Variants in TGM4 observed in about 807,000 individuals in gnomAD.
TGM4 encodes the protein transglutaminase 4.
In TGM4, 61 loss-of-function variants were observed where a neutral mutation model predicts 76.3. The ratio of observed to expected loss-of-function variants is 0.80; its 90% CI spans 0.65 to 0.99. TGM4 has a LOEUF of 0.99. Ranked by LOEUF, TGM4 falls within the 50% of genes least tolerant of loss-of-function variation. TGM4 has a pLI of 0.00. For synonymous variants in TGM4, 337 were observed against 329.8 expected, an observed-to-expected ratio of 1.02 and a Z score of -0.24; for missense variants, 794 against 843.2, an observed-to-expected ratio of 0.94 and a Z score of 0.72.
chr3:44,886,151 C>T (rs925955786), intron 2 of TGM4, among the ~76,000 whole-genome samples: 2 of 152,164 alleles, frequency 1.3e-5, no homozygotes, highest in East Asian at 1.9e-4. Context: ...CGAGATCAAC[C>T]TGGCCAACAT....
chr3:44,887,719 T>A lies in TGM4; in HGVS notation c.224T>A (p.Leu75Gln). 6.2e-7 allele frequency: 1 copy of A among 1,614,128 alleles called. No homozygotes were observed. The highest frequency in any genetic ancestry group is 8.5e-7 in the Non-Finnish European group (1 of 1,180,000). Residue 75 changes from leucine to glutamine, a missense_variant, in exon 3 of 14, where the codon CTG becomes CAG. By Grantham distance (113) the Leu-to-Gln change is moderately radical (BLOSUM62 -2). Transcript: ENST00000296125. ...AATCCTAGCATCGCCAAACACACCCTGGTGGTGCTCGACCCGAGGACGCCC... is the reference window on the plus strand; with the variant it reads ...AATCCTAGCATCGCCAAACACACCCAGGTGGTGCTCGACCCGAGGACGCCC... The part of the protein sequence containing the change: ...GPNPSIAKHT[L>Q]VVLDPRTPSD...
intron 3 of TGM4, 28 bp downstream of exon 3, chr3:44,887,823 G>T: frequency 1.2e-6 from 2 of 1,600,960 alleles, no homozygotes; most frequent in Admixed American, 3.3e-5. Flanking sequence ...TGGCGGGTGG[G>T]CTGGCTGGCT....
At chr3:44,893,468 C>A in intron 4 of TGM4, 109 bp from the exon 5 acceptor site, 1 of 921,544 alleles carries the variant, frequency 1.1e-6, no homozygotes, top group Non-Finnish European at 1.8e-6. Flanking sequence ...GTGTTCCAAG[C>A]CCCTCACAAA....
At position 44,907,113 on chromosome 3, in the gene TGM4, A is replaced by G. The variant is rs781197327; in HGVS notation, c.1240A>G (p.Thr414Ala). The G allele has an allele frequency of 3.1e-6, 5 of 1,614,104 alleles. No homozygotes were observed. In the South Asian group the frequency reaches 5.5e-5, roughly 18 times the overall value. ...QEELHVISMETTSIGKNISTK... is the reference protein window; with the variant it reads ...QEELHVISMEATSIGKNISTK... Reference sequence around the variant, plus strand: ...GGAGTTACACGTAATTTCAATGGAGACCACAAGCATCGGGAAAAACATCAG... The same window carrying G: ...GGAGTTACACGTAATTTCAATGGAGGCCACAAGCATCGGGAAAAACATCAG... The change falls in exon 10 of 14, where the codon ACC becomes GCC. Residue 414 changes from threonine (T) to alanine (A), a missense_variant. Thr to Ala is a moderately conservative substitution (Grantham distance 58, BLOSUM62 0). Transcript: ENST00000296125.
intron 1 of TGM4, among the ~76,000 whole-genome samples, chr3:44,884,901 A>G (rs1336208406): frequency 6.6e-6 from 1 of 152,012 alleles, no homozygotes; most frequent in Non-Finnish European, 1.5e-5. Flanking sequence ...TTTTGTGTTG[A>G]TTGACGGAGA....
At chr3:44,874,720 G>A (rs753377408) in intron 1 of TGM4, 23 bp downstream of exon 1, 17 of 1,614,034 alleles carry the variant, frequency 1.1e-5, no homozygotes, top group Non-Finnish European at 1.4e-5. Flanking sequence ...AATCTCCATG[G>A]AGCCCCACAT....
chr3:44,911,051 C>A lies in TGM4; in HGVS notation c.1700C>A (p.Ala567Glu), dbSNP rs201751613. The change falls in exon 12 of 14, where the codon GCG (alanine) becomes GAG (glutamate). Residue 567 changes from alanine to glutamate, a missense_variant. By Grantham distance (107) the Ala-to-Glu change is moderately radical. Coordinates refer to ENST00000296125, the MANE Select transcript of TGM4 (RefSeq NM_003241.4). Reference sequence around the variant, plus strand: ...CCAGTTATCAGAGGTTTCATCATTGCGGAAATTGTGGAGTCTAAGGAAATC... The same window carrying A: ...CCAGTTATCAGAGGTTTCATCATTGAGGAAATTGTGGAGTCTAAGGAAATC... ...DEPVIRGFII[A>E]EIVESKEIMA... 5.9e-5 allele frequency: 96 copies of A among 1,613,996 alleles called. No individual in the cohort carries two copies. Among genetic ancestry groups the A allele is most frequent in the Non-Finnish European group, 6.8e-5 (80 of 1,180,028 alleles).
At chr3:44,902,582 G>C (rs905889015) in intron 8 of TGM4, among the ~76,000 whole-genome samples, 1 of 152,142 alleles carries the variant, frequency 6.6e-6, no homozygotes, top group Non-Finnish European at 1.5e-5. Flanking sequence ...CCTGGTGACA[G>C]AGCTAGACTC....
rs1353592282 is a variant in TGM4 at position 44,914,824 on chromosome 3, A to G, written c.*1099A>G. 1 of 152,108 alleles carries G rather than the reference A, an allele frequency of 6.6e-6. No homozygotes were observed. Among genetic ancestry groups the G allele is most frequent in the Admixed American group, 6.5e-5 (1 of 15,270 alleles). The allele number at this position is 152,108 out of a possible 1,614,324, so 9.4% of individuals were successfully genotyped here. ...CTGGCAAAGGCACGTAGCTTGAATG[A>G]GGGTTATTTTGTGTCTAATTCACAG... On this transcript the variant is annotated 3_prime_UTR_variant, in exon 14 of 14. Transcript: ENST00000296125.
intron 1 of TGM4, among the ~76,000 whole-genome samples, chr3:44,879,263 C>CTATATA (rs1392219843): frequency 0.01 from 979 of 96,120 alleles, 7 homozygotes; most frequent in Middle Eastern, 0.029. Context: ...CTCTCTCTCT[C>CTATATA]TCTATATATA....
rs1699993918 is a variant in TGM4, at chr3:44,910,862, C to A, written c.1607-96C>A. On this transcript the variant is annotated intron_variant, in intron 11 of 13. Transcript: ENST00000296125. ...ATGTCCAAAGTTATCCAGTTCAATT[C>A]ACACAAAGTTAATCTAATTCTGTGC... 3.7e-6 allele frequency: 5 copies of A among 1,369,760 alleles called. No homozygotes were observed. In the Admixed American group the frequency reaches 8.2e-5, roughly 22 times the overall value. The allele number at this position is 1,369,760 out of a possible 1,614,324, so 84.9% of individuals were successfully genotyped here. A position where few individuals can be genotyped will look rare whatever the true frequency, so the allele number is the denominator to read the frequency against.
chr3:44,894,540 G>T (rs959823781), intron 5 of TGM4, among the ~76,000 whole-genome samples: 3 of 150,612 alleles, frequency 2.0e-5, no homozygotes, highest in Non-Finnish European at 3.0e-5. Context: ...GTTTTTTAGA[G>T]ACTTGTGTGG....
intron 5 of TGM4, 99 bp from the exon 6 acceptor site, chr3:44,896,610 C>T (rs1044262396): frequency 1.5e-5 from 16 of 1,076,334 alleles, no homozygotes; most frequent in African/African-American, 7.7e-5. Flanking sequence ...AGATGGGTTA[C>T]GCTACAGGGT....
chr3:44,892,281 A>AAT (rs1403773574), intron 4 of TGM4, among the ~76,000 whole-genome samples: 5 of 151,488 alleles, frequency 3.3e-5, no homozygotes, highest in Non-Finnish European at 5.9e-5. Flanking sequence ...TAAATAAATA[A>AAT]AAATAAATAA....
chr3:44,911,809 T>C (rs1700009555), intron 13 of TGM4, among the ~76,000 whole-genome samples: 1 of 152,214 alleles, frequency 6.6e-6, no homozygotes, highest in African/African-American at 2.4e-5. Context: ...ATAGCAGTTT[T>C]GTATTCAATT....
At chr3:44,892,595 T>C (rs1221125005) in intron 4 of TGM4, among the ~76,000 whole-genome samples, 1 of 152,118 alleles carries the variant, frequency 6.6e-6, no homozygotes, top group Non-Finnish European at 1.5e-5. Flanking sequence ...GGTCTCGAAC[T>C]CCTGACCTCA....
intron 5 of TGM4, among the ~76,000 whole-genome samples, chr3:44,895,232 T>C (rs1575719726): frequency 6.6e-6 from 1 of 151,960 alleles, no homozygotes; most frequent in Non-Finnish European, 1.5e-5. Context: ...GAGACGGAGG[T>C]TGCAGTGAGC....
At chr3:44,902,663 CCT>C (rs10580461) in intron 8 of TGM4, among the ~76,000 whole-genome samples, 71,156 of 151,828 alleles carry the variant, frequency 0.47, 17,182 homozygotes, top group East Asian at 0.81. Context: ...GGAGCTTTTG[CCT>C]CTACAGGGGA....
intron 5 of TGM4, 70 bp from the exon 6 acceptor site, chr3:44,896,639 A>C: frequency 6.9e-7 from 1 of 1,447,428 alleles, no homozygotes; most frequent in Non-Finnish European, 9.7e-7. Flanking sequence ...CATGCAAATT[A>C]GATGGTATGT....
Sources: allele counts gnomAD v4.1 joint callset (sites outside exome capture counted in the v4.1 genomes callset), GRCh38; gene constraint gnomAD v4.1.1; transcripts MANE v1.5; gene names NCBI Gene and HGNC (gene_info 2026-07-23, HGNC 2026-07-21).